The following DCAF6 variants were observed in gnomAD, a reference collection of about 807,000 sequenced individuals.
DCAF6 encodes the protein DDB1 and CUL4 associated factor 6, also known as DDB1- and CUL4-associated factor 6.
A neutral mutation model predicts 125.1 loss-of-function variants in DCAF6; 54 were observed. The ratio of observed to expected loss-of-function variants is 0.43; its 90% CI spans 0.35 to 0.54. The LOEUF (loss-of-function observed/expected upper bound fraction) is 0.54, where lower values mean the gene tolerates loss of function less well. Ranked by LOEUF, DCAF6 falls within the 20% of genes least tolerant of loss-of-function variation. The pLI is 0.01. For synonymous variants in DCAF6, 371 were observed against 390.4 expected (o/e 0.95, Z 0.58); for missense variants, 934 against 1,161.7 (o/e 0.80, Z 2.85).
chr1:167,953,977 C>T (rs1674376346), intron 2 of DCAF6, among the ~76,000 whole-genome samples: 1 of 152,012 alleles, frequency 6.6e-6, no homozygotes, highest in Non-Finnish European at 1.5e-5. Context: ...ATACAGGATT[C>T]TAGGTTGGAC....
chr1:168,011,108 A>G (rs1010563026), intron 10 of DCAF6, among the ~76,000 whole-genome samples: 1 of 148,526 alleles, frequency 6.7e-6, no homozygotes, highest in Non-Finnish European at 1.5e-5. Context: ...TCAGACCATC[A>G]GAATTTTTTT....
At chr1:168,021,350 G>A (rs564103249) in intron 11 of DCAF6, among the ~76,000 whole-genome samples, 2 of 152,028 alleles carry the variant, frequency 1.3e-5, no homozygotes, top group Non-Finnish European at 2.9e-5. Context: ...AGATTTTTAG[G>A]AGAGTTTCCC....
chr1:167,912,728 G>T, the DCAF6 span, among the ~76,000 whole-genome samples: 1 of 152,114 alleles, frequency 6.6e-6, no homozygotes, highest in Non-Finnish European at 1.5e-5. Context: ...CACTCCACAT[G>T]TGTCTGTGTC....
chr1:167,898,807 G>A, the DCAF6 span, among the ~76,000 whole-genome samples: 1,855 of 152,166 alleles, frequency 0.012, 32 homozygotes, highest in African/African-American at 0.031. Flanking sequence ...TTTCTGCCGC[G>A]TAGTCCCATT....
At chr1:167,882,737 C>T in the DCAF6 span, among the ~76,000 whole-genome samples, 6 of 146,832 alleles carry the variant, frequency 4.1e-5, no homozygotes, top group African/African-American at 1.5e-4. Context: ...GGTAGCCCAG[C>T]ATAGTGAGCT....
chr1:168,054,639 T>C (rs1018872851), intron 17 of DCAF6, among the ~76,000 whole-genome samples: 2 of 152,184 alleles, frequency 1.3e-5, no homozygotes, highest in African/African-American at 2.4e-5. Flanking sequence ...TAGGATTCAA[T>C]TGGACTGCAA....
intron 19 of DCAF6, 97 bp from the exon 20 acceptor site, chr1:168,066,271 TGCTGTTCAA>T: frequency 1.7e-6 from 1 of 585,822 alleles, no homozygotes; most frequent in East Asian, 3.0e-5. Flanking sequence ...AGTGTACAAT[TGCTGTTCAA>T]GGTTAGTTTT....
chr1:167,919,915 A>AC, the DCAF6 span: 1 of 1,275,118 alleles, frequency 7.8e-7, no homozygotes, highest in African/African-American at 1.5e-5. Flanking sequence ...CTCAAAAAAA[A>AC]AAAAAATTAG....
chr1:168,031,300 A>G (rs1009297488), intron 12 of DCAF6, among the ~76,000 whole-genome samples: 1 of 152,202 alleles, frequency 6.6e-6, no homozygotes, highest in African/African-American at 2.4e-5. Flanking sequence ...AGAAGAAGCA[A>G]CTAGAGAGGT....
At chr1:167,990,653 GTT>G (rs1680695663) in intron 5 of DCAF6, among the ~76,000 whole-genome samples, 1 of 152,098 alleles carries the variant, frequency 6.6e-6, no homozygotes, top group Non-Finnish European at 1.5e-5. Flanking sequence ...TTTAGAAAGA[GTT>G]TTAATTGTCA....
At chr1:167,902,015 C>G in the DCAF6 span, 3 of 1,613,548 alleles carry the variant, frequency 1.9e-6, no homozygotes, top group Non-Finnish European at 2.5e-6. Context: ...AGCCCCCATA[C>G]CTGCAAATTT....
chr1:168,057,707 T>C (rs1420724091), intron 17 of DCAF6, among the ~76,000 whole-genome samples: 2 of 152,202 alleles, frequency 1.3e-5, no homozygotes, highest in African/African-American at 2.4e-5. Flanking sequence ...ATAGTTACAA[T>C]ACAGTAATTG....
chr1:167,975,027 T>G lies in DCAF6; in HGVS notation c.438+12T>G, dbSNP rs374946661. ...GAACTACTTATGAGGTATGGTATTA[T>G]TATGATTATATGATATATATGTAAG... On this transcript the variant is annotated intron_variant, in intron 4 of 21. Transcript: ENST00000367840. 3.3e-6 allele frequency: 5 copies of G among 1,534,828 alleles called. No individual in the cohort carries two copies. Among genetic ancestry groups the G allele is most frequent in the Non-Finnish European group, 3.5e-6 (4 of 1,136,554 alleles).
the DCAF6 span, chr1:167,878,616 G>A: frequency 6.2e-7 from 1 of 1,614,090 alleles, no homozygotes; most frequent in Non-Finnish European, 8.5e-7. Context: ...TGGCAGCTAA[G>A]TTGACTTTTT....
chr1:168,050,376 C>T (rs1689761405), intron 16 of DCAF6, among the ~76,000 whole-genome samples: 1 of 152,056 alleles, frequency 6.6e-6, no homozygotes. Context: ...GCAGTTTACT[C>T]TTTATTAAAG....
In DCAF6 at chr1:168,075,376, T is replaced by C. The variant is rs770206178; in HGVS notation, c.2797T>C (p.Leu933=). 6.2e-7 allele frequency: 1 copy of C among 1,602,116 alleles called. No individual in the cohort carries two copies. Among genetic ancestry groups the C allele is most frequent in the Non-Finnish European group, 8.5e-7 (1 of 1,177,324 alleles). ...ASLNHIRADR[L]EGDRSEGSGQ... Reference sequence around the variant, plus strand: ...TCTCTTATCTGTGTTTCCAGACCGGTTGGAGGGTGACAGATCAGAAGGCTC... The same window carrying C: ...TCTCTTATCTGTGTTTCCAGACCGGCTGGAGGGTGACAGATCAGAAGGCTC... Residue 933 remains leucine (L), a synonymous_variant, in exon 22 of 22, where the codon TTG becomes CTG. Transcript: ENST00000367840.
chr1:167,874,271 T>C, the DCAF6 span, among the ~76,000 whole-genome samples: 8 of 152,080 alleles, frequency 5.3e-5, no homozygotes, highest in African/African-American at 1.9e-4. Context: ...GTAGAGGTTG[T>C]AGTGAGCCAA....
chr1:168,030,671 G>GTA (rs1686971578), intron 12 of DCAF6, among the ~76,000 whole-genome samples: 2 of 152,108 alleles, frequency 1.3e-5, no homozygotes, highest in Non-Finnish European at 2.9e-5. Context: ...GGATTGAGGA[G>GTA]GAATCCAGAG....
intron 4 of DCAF6, among the ~76,000 whole-genome samples, chr1:167,981,399 C>T (rs756762795): frequency 6.6e-5 from 10 of 151,982 alleles, no homozygotes; most frequent in African/African-American, 2.4e-4. Context: ...ATTTTAGATT[C>T]GAGGGGTACA....
Sources: gnomAD v4.1 joint callset for allele counts (sites outside exome capture counted in the v4.1 genomes callset) on GRCh38, gnomAD v4.1.1 for gene constraint, MANE v1.5 for transcripts, NCBI Gene and HGNC (gene_info 2026-07-23, HGNC 2026-07-21) for gene names.